Variants in TJP3 observed in about 807,000 individuals in gnomAD.
The protein encoded by TJP3 is tight junction protein ZO-3.
A neutral mutation model predicts 104.2 loss-of-function variants in TJP3; 85 were observed. The observed-to-expected ratio is 0.82, with a 90% CI of 0.68 to 0.98. The LOEUF (loss-of-function observed/expected upper bound fraction) is 0.98, where lower values mean the gene tolerates loss of function less well. Ranked by LOEUF, TJP3 falls within the 50% of genes least tolerant of loss-of-function variation. The pLI, the probability that TJP3 is intolerant of heterozygous loss-of-function variation, is 0.00. For missense variants in TJP3, 1,367 were observed against 1,322.8 expected (o/e 1.03, Z -0.52); for synonymous variants, 550 against 550.6 (o/e 1.00, Z 0.02).
chr19:3,732,183 G>A (rs2036680443), intron 6 of TJP3, 145 bp downstream of exon 6: 1 of 632,056 alleles, frequency 1.6e-6, no homozygotes, highest in African/African-American at 1.9e-5. Flanking sequence ...AAAGGTTGCA[G>A]ATGGCCAGGC....
rs918080289 is a variant in TJP3, at chr19:3,750,053, G to C, written c.2611-85G>C. Reference sequence around the variant, plus strand: ...TGGGCAGCATGGCCCGGGCCAAGGTGGGGGATGGGATGGAGGTGGTTATTG... The same window carrying C: ...TGGGCAGCATGGCCCGGGCCAAGGTCGGGGATGGGATGGAGGTGGTTATTG... On this transcript the variant is annotated intron_variant, in intron 19 of 20. Coordinates refer to ENST00000541714, the MANE Select transcript of TJP3 (RefSeq NM_001267560.2). The C allele has an allele frequency of 9.5e-6, 15 of 1,571,540 alleles. No individual in the cohort carries two copies. In the East Asian group the frequency reaches 2.5e-4, roughly 26 times the overall value.
At chr19:3,743,763 T>G in intron 14 of TJP3, 176 bp from the exon 15 acceptor site, 3 of 586,054 alleles carry the variant, frequency 5.1e-6, no homozygotes, top group East Asian at 2.9e-5. Flanking sequence ...CATTATTTGG[T>G]CATAAGGCTA....
rs1168798641 is a variant in TJP3 at position 3,729,043 on chromosome 19, AC to A, written c.158+331del. On this transcript the variant is annotated intron_variant, in intron 3 of 20. Transcript: ENST00000541714. The stretch of plus-strand genomic sequence containing the variant: ...ACTCCAGCCTGGGTGACAGAGTGAG[AC>A]TCTGTCTCAAAAAGAAAGTAAGTGA... 2.0e-5 allele frequency among the ~76,000 whole-genome samples: 3 copies of A among 152,082 alleles called. No homozygotes were observed. The East Asian group carries it at 5.8e-4, about 29-fold the overall frequency.
rs982990807 is a variant in TJP3, at chr19:3,730,603, G to A, written c.510G>A (p.Glu170=). The part of the protein sequence containing the change: ...HGRRSPGGGS[E]ANGLALVSGF... ...GTAGGAGCCCAGGTGGTGGCTCTGAGGCCAACGGGCTGGCCCTGGTGTCCG... is the reference window on the plus strand; with the variant it reads ...GTAGGAGCCCAGGTGGTGGCTCTGAAGCCAACGGGCTGGCCCTGGTGTCCG... The change falls in exon 5 of 21, where the codon GAG becomes GAA. Residue 170 remains glutamate, a synonymous_variant. Transcript: ENST00000541714. The surrounding 1 kb of genome is among the most constrained non-coding windows in gnomAD (Gnocchi z 7.3). The A allele has an allele frequency of 5.0e-6, 8 of 1,611,404 alleles. No individual in the cohort carries two copies. In the Middle Eastern group the frequency reaches 5.0e-4, roughly 100 times the overall value.
intron 1 of TJP3, among the ~76,000 whole-genome samples, chr19:3,713,328 A>G (rs1328450472): frequency 6.6e-6 from 1 of 151,922 alleles, no homozygotes; most frequent in African/African-American, 2.4e-5. Flanking sequence ...GTCCCCCAAA[A>G]CCCATGACGC....
intron 11 of TJP3, among the ~76,000 whole-genome samples, chr19:3,737,335 C>T (rs1369299865): frequency 2.6e-5 from 4 of 152,050 alleles, no homozygotes; most frequent in Admixed American, 2.6e-4. Flanking sequence ...TCCTCTTGTT[C>T]CTGACATTGG....
rs62130624 is a variant in TJP3 at position 3,711,094 on chromosome 19, G to A, written c.-10+2533G>A. On this transcript the variant is annotated intron_variant, in intron 1 of 20. Coordinates refer to ENST00000541714, the MANE Select transcript of TJP3 (RefSeq NM_001267560.2). ...AATTTTTTGTATTTTTAGTACAGAC[G>A]GGGTTTCACCGTGGTAGCCAAGATG... Among the ~76,000 whole-genome samples the A allele has an allele frequency of 0.066, 2,136 of 32,462 alleles. 234 individuals carry two copies. The East Asian group carries it at 0.74, about 11-fold the overall frequency. The allele number at this position is 32,462 out of a possible 152,430, so 21.3% of individuals were successfully genotyped here. A position where few individuals can be genotyped will look rare whatever the true frequency, so the allele number is the denominator to read the frequency against.
chr19:3,750,468 G>A lies in TJP3; in HGVS notation c.2658-114G>A. ...ACAAGGCCCTACCCATGAATGCCCAGATGTGCTTATCTCTGCCCACACCCA... is the reference window on the plus strand; with the variant it reads ...ACAAGGCCCTACCCATGAATGCCCAAATGTGCTTATCTCTGCCCACACCCA... On this transcript the variant is annotated intron_variant, in intron 20 of 20. Coordinates refer to ENST00000541714, the MANE Select transcript of TJP3 (RefSeq NM_001267560.2). 3 of 914,988 alleles carry A rather than the reference G, an allele frequency of 3.3e-6. No homozygotes were observed. In the South Asian group the frequency reaches 4.8e-5, roughly 15 times the overall value. 56.7% of individuals were successfully genotyped at this position (914,988 alleles called of 1,614,324 possible). A position where few individuals can be genotyped will look rare whatever the true frequency, so the allele number is the denominator to read the frequency against.
chr19:3,742,561 C>T (rs981835678), intron 14 of TJP3, among the ~76,000 whole-genome samples: 13 of 146,230 alleles, frequency 8.9e-5, no homozygotes, highest in Non-Finnish European at 1.3e-4. Flanking sequence ...GCAAATTGCC[C>T]GGGACAGGGG....
At chr19:3,733,047 T>C (rs1408819216) in intron 6 of TJP3, among the ~76,000 whole-genome samples, 1 of 151,932 alleles carries the variant, frequency 6.6e-6, no homozygotes, top group African/African-American at 2.4e-5. Flanking sequence ...TTCTTTTCTT[T>C]CTTTTTGATA....
At chr19:3,728,166 G>T (rs1418036048) in intron 1 of TJP3, among the ~76,000 whole-genome samples, 2 of 151,938 alleles carry the variant, frequency 1.3e-5, no homozygotes, top group African/African-American at 4.8e-5. Context: ...CTTGAACCCG[G>T]GAGGTGGAGG....
Position 3,728,824 on chromosome 19 carries a change from G to T in TJP3, c.158+111G>T, listed in dbSNP as rs2036634015. 6.9e-6 allele frequency: 8 copies of T among 1,162,418 alleles called. No homozygotes were observed. The Admixed American group carries it at 1.7e-4, about 24-fold the overall frequency. The allele number at this position is 1,162,418 out of a possible 1,614,324, so 72.0% of individuals were successfully genotyped here. A position where few individuals can be genotyped will look rare whatever the true frequency, so the allele number is the denominator to read the frequency against. ...TCCCAGCACTTTGCGAGGCTGAAGT[G>T]GGCGGATCACCTGAGTTCAGGAGTT... is the stretch of plus-strand genomic sequence containing the variant. On this transcript the variant is annotated intron_variant, in intron 3 of 20. Coordinates refer to ENST00000541714, the MANE Select transcript of TJP3 (RefSeq NM_001267560.2).
chr19:3,743,720 T>C, intron 14 of TJP3: 1 of 500,314 alleles, frequency 2.0e-6, no homozygotes. Context: ...AACCCAGAAA[T>C]GTACACATCA....
At position 3,736,220 on chromosome 19, in the gene TJP3, C is replaced by A. The variant is rs777244462; in HGVS notation, c.1183C>A (p.Arg395=). Residue 395 remains arginine, a synonymous_variant, in exon 11 of 21, where the codon CGG becomes AGG. Coordinates refer to ENST00000541714, the MANE Select transcript of TJP3 (RefSeq NM_001267560.2). ...RFLKGKSIGL[R]LAGGNDVGIF... is the part of the protein sequence containing the mutation. ...CCTCAAGGGCAAGAGCATCGGGCTG[C>A]GGCTGGCAGGGGGCAATGACGTGGG... The A allele has an allele frequency of 5.6e-6, 9 of 1,594,186 alleles. No individual in the cohort carries two copies. The highest frequency in any genetic ancestry group is 2.2e-5 in the South Asian group (2 of 88,920).
intron 19 of TJP3, among the ~76,000 whole-genome samples, chr19:3,749,859 G>A (rs1020001573): frequency 1.3e-5 from 2 of 152,170 alleles, no homozygotes; most frequent in African/African-American, 2.4e-5. Flanking sequence ...AGTCCTTTAC[G>A]TACATGAACT....
Position 3,747,955 on chromosome 19 carries a change from G to C in TJP3, c.2484G>C (p.Gly828=), listed in dbSNP as rs571353377. Residue 828 remains glycine, a synonymous_variant, in exon 19 of 21, where the codon GGG becomes GGC. Coordinates refer to ENST00000541714, the MANE Select transcript of TJP3 (RefSeq NM_001267560.2). ...AGGGCTACACAGACGGCGAGGGGGG[G>C]CCCTACACGGATGTGGATGATGAGC... The part of the protein sequence containing the change: ...DGEGYTDGEG[G]PYTDVDDEPP... 1.9e-6 allele frequency: 3 copies of C among 1,612,964 alleles called. No homozygotes were observed. The highest frequency in any genetic ancestry group is 2.5e-6 in the Non-Finnish European group (3 of 1,179,848).
Position 3,734,033 on chromosome 19 carries a change from A to G in TJP3, c.877+121A>G, listed in dbSNP as rs74325938. On this transcript the variant is annotated intron_variant, in intron 7 of 20. Coordinates refer to ENST00000541714, the MANE Select transcript of TJP3 (RefSeq NM_001267560.2). ...CCCTAGAGGCTCAGAGAGTGACAGGAACTTGCTGAAGGCCACACAGCAAGT... is the reference window on the plus strand; with the variant it reads ...CCCTAGAGGCTCAGAGAGTGACAGGGACTTGCTGAAGGCCACACAGCAAGT... The G allele has an allele frequency of 4.2e-3, 5,708 of 1,351,174 alleles. 231 individuals are homozygous for G. In the African/African-American group the frequency reaches 0.074, roughly 18 times the overall value. 83.7% of individuals were successfully genotyped at this position (1,351,174 alleles called of 1,614,324 possible). A position where few individuals can be genotyped will look rare whatever the true frequency, so the allele number is the denominator to read the frequency against.
rs551071457 is a variant in TJP3 at position 3,747,949 on chromosome 19, G to T, written c.2478G>T (p.Glu826Asp). Residue 826 changes from glutamate to aspartate, a missense_variant, in exon 19 of 21, where the codon GAG (glutamate) becomes GAT (aspartate). Glu to Asp is a conservative substitution (Grantham distance 45, BLOSUM62 2). Coordinates refer to ENST00000541714, the MANE Select transcript of TJP3 (RefSeq NM_001267560.2). ...YTDGEGYTDG[E>D]GGPYTDVDDE... ...ATGGCGAGGGCTACACAGACGGCGA[G>T]GGGGGGCCCTACACGGATGTGGATG... 4.3e-6 allele frequency: 7 copies of T among 1,612,762 alleles called. No individual in the cohort carries two copies. The Admixed American group carries it at 5.0e-5, about 12-fold the overall frequency.
chr19:3,747,842 G>A lies in TJP3; in HGVS notation c.2371G>A (p.Ala791Thr). The A allele has an allele frequency of 6.2e-7, 1 of 1,609,782 alleles. No homozygotes were observed. The highest frequency in any genetic ancestry group is 8.5e-7 in the Non-Finnish European group (1 of 1,179,500). Reference protein sequence around the residue: ...DNLDLPHHGLADSSADLSCDS... With the variant: ...DNLDLPHHGLTDSSADLSCDS... ...CCTAGACCTCCCTCACCACGGCCTGGCCGACAGCTCCGCTGACCTCAGCTG... is the reference window on the plus strand; with the variant it reads ...CCTAGACCTCCCTCACCACGGCCTGACCGACAGCTCCGCTGACCTCAGCTG... The change falls in exon 19 of 21, where the codon GCC becomes ACC. Residue 791 changes from alanine (A) to threonine (T), a missense_variant. By Grantham distance (58) the Ala-to-Thr change is moderately conservative. Coordinates refer to ENST00000541714, the MANE Select transcript of TJP3 (RefSeq NM_001267560.2).
Sources: gnomAD v4.1 joint callset for allele counts (sites outside exome capture counted in the v4.1 genomes callset) on GRCh38, gnomAD v4.1.1 for gene constraint, Gnocchi (gnomAD v3.1) non-coding constraint, MANE v1.5 for transcripts, NCBI Gene and HGNC (gene_info 2026-07-23, HGNC 2026-07-21) for gene names.